The following KIF26B variants were observed in gnomAD, a reference collection of about 807,000 sequenced individuals.
The protein encoded by KIF26B is kinesin-like protein KIF26B.
In KIF26B, 63 loss-of-function variants were observed where a neutral mutation model predicts 151.2. That is an observed-to-expected ratio of 0.42 (90% CI 0.34 to 0.51). The LOEUF is 0.51. Among genes scored for constraint, KIF26B ranks in the 20% least tolerant of loss-of-function variants. The pLI is 0.07. For synonymous variants in KIF26B, 1,357 were observed against 1,262.1 expected, an observed-to-expected ratio of 1.08 and a Z score of -1.59; for missense variants, 2,813 against 2,913.6, an observed-to-expected ratio of 0.97 and a Z score of 0.79.
chr1:245,263,950 C>A (rs1670696537), intron 2 of KIF26B, among the ~76,000 whole-genome samples: 2 of 152,176 alleles, frequency 1.3e-5, no homozygotes, highest in Non-Finnish European at 1.5e-5. Context: ...GGATCTTCAG[C>A]AGTTTTTTCC....
At chr1:245,528,484 C>CT (rs1325166107) in intron 4 of KIF26B, among the ~76,000 whole-genome samples, 1 of 152,128 alleles carries the variant, frequency 6.6e-6, no homozygotes. Flanking sequence ...GATCTTGTGA[C>CT]TGTGTACTGG....
chr1:245,605,713 G>A (rs758118040), intron 6 of KIF26B, among the ~76,000 whole-genome samples: 2 of 152,094 alleles, frequency 1.3e-5, no homozygotes. Flanking sequence ...AGGGGAAGCA[G>A]CAAGGGGCCT....
At chr1:245,461,992 G>T (rs538707589) in intron 4 of KIF26B, among the ~76,000 whole-genome samples, 39 of 152,070 alleles carry the variant, frequency 2.6e-4, no homozygotes, top group Non-Finnish European at 5.4e-4. Flanking sequence ...AATTAGCCAG[G>T]CATGGTGGTG....
chr1:245,309,471 CT>C (rs201053052), intron 2 of KIF26B, among the ~76,000 whole-genome samples: 2,355 of 152,092 alleles, frequency 0.015, 35 homozygotes, highest in Non-Finnish European at 0.025. Context: ...GGTCTCAAGG[CT>C]GCCAGCCTTT....
intron 4 of KIF26B, among the ~76,000 whole-genome samples, chr1:245,449,859 T>C (rs1435311818): frequency 4.6e-5 from 7 of 152,272 alleles, no homozygotes; most frequent in Admixed American, 4.6e-4. Flanking sequence ...GACATCGTCA[T>C]ACTGTGTGCT....
At chr1:245,303,327 T>C (rs934952954) in intron 2 of KIF26B, among the ~76,000 whole-genome samples, 9 of 149,958 alleles carry the variant, frequency 6.0e-5, no homozygotes, top group Non-Finnish European at 1.3e-4. Context: ...GCCTCCCGAG[T>C]AGCTGGGACT....
In KIF26B at chr1:245,390,941, A is replaced by C. The variant is rs926123047; in HGVS notation, c.999+23574A>C. On this transcript the variant is annotated intron_variant, in intron 3 of 14. Coordinates refer to ENST00000407071, the MANE Select transcript of KIF26B (RefSeq NM_018012.4). ...TGTCTCAAAAAAAAAAAAAAAAAAA[A>C]AAAAAAAAAAACCACCATAAAATTT... Among the ~76,000 whole-genome samples the C allele has an allele frequency of 1.6e-4, 23 of 146,356 alleles. 1 individual carries two copies. Among genetic ancestry groups the C allele is most frequent in the Admixed American group, 4.1e-4 (6 of 14,596 alleles).
intron 5 of KIF26B, among the ~76,000 whole-genome samples, chr1:245,599,837 T>TA (rs759677152): frequency 9.9e-5 from 15 of 151,920 alleles, no homozygotes; most frequent in Non-Finnish European, 2.2e-4. Flanking sequence ...AATAAGAAAA[T>TA]TGCCAGAATG....
chr1:245,631,396 GTC>G (rs1311455086), intron 9 of KIF26B, among the ~76,000 whole-genome samples: 1 of 152,048 alleles, frequency 6.6e-6, no homozygotes, highest in African/African-American at 2.4e-5. Flanking sequence ...TGTTGTTTTA[GTC>G]TCTCATATGT....
intron 4 of KIF26B, among the ~76,000 whole-genome samples, chr1:245,520,128 A>AGAGAGAGAGAGG (rs1553282679): frequency 6.6e-6 from 1 of 151,740 alleles, no homozygotes; most frequent in Non-Finnish European, 1.5e-5. Context: ...AGAGAGAGAG[A>AGAGAGAGAGAGG]GAGAGAGAGA....
intron 2 of KIF26B, chr1:245,234,265 T>C (rs1329232522): frequency 1.3e-5 from 2 of 152,236 alleles, no homozygotes; most frequent in Non-Finnish European, 2.9e-5. Context: ...ACTTTCTCGT[T>C]GTTGGAACTT....
chr1:245,540,786 C>T lies in KIF26B; in HGVS notation c.1186C>T (p.Leu396=), dbSNP rs368702678. Residue 396 remains leucine (L), a synonymous_variant, in exon 5 of 15, where the codon CTG becomes TTG. Coordinates refer to ENST00000407071, the MANE Select transcript of KIF26B (RefSeq NM_018012.4). This position sits in a 1 kb window ranked among gnomAD's most constrained non-coding sequence, Gnocchi z 4.6. Reference sequence around the variant, plus strand: ...CTCCAGAGCTGCCCAGAAGTTAAATCTGTCTTCTAAAAAGAAGAAACATCG... The same window carrying T: ...CTCCAGAGCTGCCCAGAAGTTAAATTTGTCTTCTAAAAAGAAGAAACATCG... ...FFARAAQKLN[L]SSKKKKHRPS... The T allele has an allele frequency of 1.2e-6, 2 of 1,613,932 alleles. No individual in the cohort carries two copies. Among genetic ancestry groups the T allele is most frequent in the Non-Finnish European group, 1.7e-6 (2 of 1,179,812 alleles).
Position 245,698,765 on chromosome 1 carries a change from C to T in KIF26B, c.6028-122C>T. On this transcript the variant is annotated intron_variant, in intron 13 of 14. Transcript: ENST00000407071. This position sits in a 1 kb window ranked among gnomAD's most constrained non-coding sequence, Gnocchi z 4.0. ...AAGGGAGAATTTGGTGGGGATGACC[C>T]ATGTCCCTCCCACACGTCTCCAAGC... The T allele has an allele frequency of 8.3e-7, 1 of 1,200,610 alleles. No homozygotes were observed. The highest frequency in any genetic ancestry group is 1.2e-6 in the Non-Finnish European group (1 of 860,224). 74.4% of individuals were successfully genotyped at this position (1,200,610 alleles called of 1,614,324 possible).
At chr1:245,531,359 G>A (rs572063638) in intron 4 of KIF26B, among the ~76,000 whole-genome samples, 1 of 152,270 alleles carries the variant, frequency 6.6e-6, no homozygotes, top group African/African-American at 2.4e-5. Flanking sequence ...CAAGTCCCAG[G>A]TCTGAGAGTC....
Position 245,611,785 on chromosome 1 carries a change from T to A in KIF26B, c.1915-8T>A, listed in dbSNP as rs1478470604. On this transcript the variant is annotated splice_polypyrimidine_tract_variant and splice_region_variant and intron_variant, in intron 8 of 14. Transcript: ENST00000407071. ...CTGCAGCCTCATCTCTTGGCTTCTG[T>A]CTTCCAGCTGCAGAACCAGAGCGAG... The A allele has an allele frequency of 5.2e-5, 84 of 1,612,652 alleles. No homozygotes were observed. Among genetic ancestry groups the A allele is most frequent in the Non-Finnish European group, 7.0e-5 (82 of 1,179,592 alleles).
intron 4 of KIF26B, among the ~76,000 whole-genome samples, chr1:245,451,585 C>CTTTTTTTTTTTTT (rs58192966): frequency 1.4e-3 from 81 of 58,752 alleles, no homozygotes; most frequent in Admixed American, 2.0e-3. Context: ...GAAGATCTAT[C>CTTTTTTTTTTTTT]TTTTTTTTTT....
At chr1:245,536,631 C>T (rs531522438) in intron 4 of KIF26B, among the ~76,000 whole-genome samples, 12 of 152,242 alleles carry the variant, frequency 7.9e-5, no homozygotes, top group East Asian at 1.9e-4. Context: ...TATCATCTCT[C>T]GAGGTTTCTG....
In KIF26B at chr1:245,185,388, G is replaced by A. The variant is rs932790515; in HGVS notation, c.465+28705G>A. Among the ~76,000 whole-genome samples, 11 of 152,170 alleles carry A rather than the reference G, an allele frequency of 7.2e-5. No individual in the cohort carries two copies. In the East Asian group the frequency reaches 7.7e-4, roughly 11 times the overall value. ...TCCTGACCTCAGGTAATCAGGTGGC[G>A]GAGATACTTAATGAAACCTGGTTCC... On this transcript the variant is annotated intron_variant, in intron 2 of 14. Transcript: ENST00000407071.
At chr1:245,223,508 C>G (rs1426884020) in intron 2 of KIF26B, among the ~76,000 whole-genome samples, 3 of 152,158 alleles carry the variant, frequency 2.0e-5, no homozygotes. Context: ...TCCAGTCAAG[C>G]CTTTCAGCCT....
Sources: gnomAD v4.1 joint callset for allele counts (sites outside exome capture counted in the v4.1 genomes callset) on GRCh38, gnomAD v4.1.1 for gene constraint, Gnocchi (gnomAD v3.1) non-coding constraint, MANE v1.5 for transcripts, NCBI Gene and HGNC (gene_info 2026-07-23, HGNC 2026-07-21) for gene names.